Variants in ELL2 observed in about 807,000 individuals in gnomAD.
ELL2 encodes the protein RNA polymerase II elongation factor ELL2.
Under a neutral mutation model 72.8 loss-of-function variants are expected in ELL2, and 21 were observed. The observed-to-expected ratio is 0.29, with a 90% CI of 0.20 to 0.42. The LOEUF (loss-of-function observed/expected upper bound fraction) is 0.42, where lower values mean the gene tolerates loss of function less well. ELL2 is among the 10% of genes least tolerant of loss of function. ELL2 has a pLI of 1.00. For missense variants in ELL2, 568 were observed against 772.8 expected (o/e 0.73, Z 3.14); for synonymous variants, 266 against 283.2 (o/e 0.94, Z 0.61).
chr5:95,906,864 TAC>T, intron 4 of ELL2, 82 bp from the exon 5 acceptor site: 1 of 1,354,500 alleles, frequency 7.4e-7, no homozygotes, highest in Non-Finnish European at 9.7e-7. Flanking sequence ...CTGATTTAGG[TAC>T]CTCTTCATTT....
intron 10 of ELL2, 129 bp downstream of exon 10, chr5:95,890,974 A>G (rs1223258918): frequency 3.0e-6 from 3 of 1,015,396 alleles, no homozygotes; most frequent in South Asian, 2.6e-5. Context: ...AGTTTCCTAA[A>G]GCAGCAGCGA....
chr5:95,901,537 T>C (rs980854229), intron 5 of ELL2, among the ~76,000 whole-genome samples: 2 of 148,170 alleles, frequency 1.3e-5, no homozygotes, highest in Non-Finnish European at 3.0e-5. Flanking sequence ...GTTTAATTTA[T>C]AAATTAGGCA....
chr5:95,917,614 C>T (rs1749865688), intron 3 of ELL2, among the ~76,000 whole-genome samples: 1 of 152,198 alleles, frequency 6.6e-6, no homozygotes, highest in Admixed American at 6.5e-5. Context: ...TAGTGGCAGA[C>T]TTCAATTTAT....
At chr5:95,930,807 A>T (rs1750568724) in intron 2 of ELL2, among the ~76,000 whole-genome samples, 1 of 152,244 alleles carries the variant, frequency 6.6e-6, no homozygotes, top group Non-Finnish European at 1.5e-5. Context: ...GCAATAAGAC[A>T]TACAATATTT....
At chr5:95,917,990 G>A (rs1226114910) in intron 3 of ELL2, among the ~76,000 whole-genome samples, 1 of 152,152 alleles carries the variant, frequency 6.6e-6, no homozygotes, top group Non-Finnish European at 1.5e-5. Context: ...AAAGAATACT[G>A]GGGTGGGAAT....
At chr5:95,910,859 T>C (rs1273802527) in intron 4 of ELL2, among the ~76,000 whole-genome samples, 2 of 152,200 alleles carry the variant, frequency 1.3e-5, no homozygotes, top group Non-Finnish European at 2.9e-5. Context: ...CTATTATTAA[T>C]TAAAGGGGTA....
Position 95,885,642 on chromosome 5 carries a change from A to T in ELL2, c.*3229T>A, listed in dbSNP as rs987936522. 3.3e-5 allele frequency: 5 copies of T among 152,234 alleles called. No homozygotes were observed. Among genetic ancestry groups the T allele is most frequent in the African/African-American group, 1.2e-4 (5 of 41,452 alleles). The allele number at this position is 152,234 out of a possible 1,614,324, so 9.4% of individuals were successfully genotyped here. A position where few individuals can be genotyped will look rare whatever the true frequency, so the allele number is the denominator to read the frequency against. On this transcript the variant is annotated 3_prime_UTR_variant, in exon 12 of 12. Transcript: ENST00000237853. ...CTGAATTGATGGACCACTTTTGTCT[A>T]AAACTAATTTCAACATCTTCCAATA...
Position 95,927,436 on chromosome 5 carries a change from TGTGTATATAGACATACACACACAC to T in ELL2, c.196-7915_196-7892del, listed in dbSNP as rs1750359163. On this transcript the variant is annotated intron_variant, in intron 2 of 11. Coordinates refer to ENST00000237853, the MANE Select transcript of ELL2 (RefSeq NM_012081.6). ...GTGTATATAGACATACACACACACG[TGTGTATATAGACATACACACACAC>T]GTGTGTATATAGACATACACACACG... is the stretch of plus-strand genomic sequence containing the variant. Among the ~76,000 whole-genome samples, 14 of 45,370 alleles carry T rather than the reference TGTGTATATAGACATACACACACAC, an allele frequency of 3.1e-4. 3 individuals carry two copies. The highest frequency in any genetic ancestry group is 3.7e-4 in the Non-Finnish European group (10 of 27,256). 29.8% of individuals were successfully genotyped at this position (45,370 alleles called of 152,430 possible).
chr5:95,936,095 T>G (rs1216675304), intron 2 of ELL2, among the ~76,000 whole-genome samples: 1 of 152,218 alleles, frequency 6.6e-6, no homozygotes, highest in Non-Finnish European at 1.5e-5. Flanking sequence ...ATTGATGAAG[T>G]ATGGGTAAAG....
At chr5:95,923,775 G>A (rs867436639) in intron 2 of ELL2, among the ~76,000 whole-genome samples, 19 of 152,374 alleles carry the variant, frequency 1.2e-4, no homozygotes, top group African/African-American at 4.6e-4. Context: ...CTTTTCAAGA[G>A]CAAGATGTTT....
At chr5:95,896,243 AT>A (rs1389775544) in intron 8 of ELL2, among the ~76,000 whole-genome samples, 1 of 151,954 alleles carries the variant, frequency 6.6e-6, no homozygotes, top group African/African-American at 2.4e-5. Flanking sequence ...GTCGATTTAT[AT>A]TCCTATAATC....
At chr5:95,951,736 A>G (rs1751413313) in intron 1 of ELL2, among the ~76,000 whole-genome samples, 1 of 152,116 alleles carries the variant, frequency 6.6e-6, no homozygotes, top group Non-Finnish European at 1.5e-5. Context: ...GCTGCTGTGG[A>G]TTATGGGGGA....
At position 95,898,723 on chromosome 5, in the gene ELL2, G is replaced by A. The variant is rs373902560; in HGVS notation, c.1042C>T (p.Leu348=). The A allele has an allele frequency of 1.2e-6, 2 of 1,610,674 alleles. No homozygotes were observed. Among genetic ancestry groups the A allele is most frequent in the African/African-American group, 2.7e-5 (2 of 74,920 alleles). ...CTGGTGGGATTCAAATGACCATTTA[G>A]TGTTGGTGGTACTCTGTTCGTCAGG... ...SHLTNRVPPT[L]NGHLNPTSEK... The change falls in exon 8 of 12, where the codon CTA becomes TTA. Residue 348 remains leucine (L), a synonymous_variant. Transcript: ENST00000237853.
chr5:95,949,005 A>G (rs1751279281), intron 1 of ELL2, among the ~76,000 whole-genome samples: 1 of 152,250 alleles, frequency 6.6e-6, no homozygotes, highest in South Asian at 2.1e-4. Flanking sequence ...AGCACAGAAT[A>G]GTAGTATAGG....
At chr5:95,915,189 G>A (rs539161837) in intron 3 of ELL2, among the ~76,000 whole-genome samples, 1 of 152,254 alleles carries the variant, frequency 6.6e-6, no homozygotes, top group African/African-American at 2.4e-5. Flanking sequence ...TGCAAGCTCT[G>A]CCTCCCGGGT....
At chr5:95,894,541 C>G (rs1193572521) in intron 9 of ELL2, among the ~76,000 whole-genome samples, 1 of 152,180 alleles carries the variant, frequency 6.6e-6, no homozygotes, top group Non-Finnish European at 1.5e-5. Context: ...AGACAACTGA[C>G]CCTTCCTGGG....
chr5:95,953,396 C>A lies in ELL2; in HGVS notation c.147+8179G>T, dbSNP rs149700440. 8.5e-3 allele frequency among the ~76,000 whole-genome samples: 1,302 copies of A among 152,308 alleles called. 17 individuals carry two copies. The highest frequency in any genetic ancestry group is 0.03 in the African/African-American group (1,256 of 41,556). The stretch of plus-strand genomic sequence containing the variant: ...ACTTTTTATTACATGGACACTTTTT[C>A]TGGCTCTTGAGGTATCATGGTTTCT... On this transcript the variant is annotated intron_variant, in intron 1 of 11. Coordinates refer to ENST00000237853, the MANE Select transcript of ELL2 (RefSeq NM_012081.6).
In ELL2 at chr5:95,888,851, C is replaced by A; in HGVS notation, c.*20G>T. 1 of 1,521,774 alleles carries A rather than the reference C, an allele frequency of 6.6e-7. No individual in the cohort carries two copies. Among genetic ancestry groups the A allele is most frequent in the Non-Finnish European group, 8.9e-7 (1 of 1,121,282 alleles). The allele number at this position is 1,521,774 out of a possible 1,614,324, so 94.3% of individuals were successfully genotyped here. A position where few individuals can be genotyped will look rare whatever the true frequency, so the allele number is the denominator to read the frequency against. On this transcript the variant is annotated 3_prime_UTR_variant, in exon 12 of 12. Transcript: ENST00000237853. ...TAAATAAGCTTAAGTTTATTCACAT[C>A]TTCTGGTCCAAGCAGAGTTCTAGGA...
chr5:95,950,347 T>C (rs1425557426), intron 1 of ELL2, among the ~76,000 whole-genome samples: 2 of 152,164 alleles, frequency 1.3e-5, no homozygotes. Flanking sequence ...AAGAAGACTA[T>C]TTAATAATTA....
Sources: gnomAD v4.1 joint callset for allele counts (sites outside exome capture counted in the v4.1 genomes callset) on GRCh38, gnomAD v4.1.1 for gene constraint, MANE v1.5 for transcripts, NCBI Gene and HGNC (gene_info 2026-07-23, HGNC 2026-07-21) for gene names.